Variants in COLGALT2 observed in about 807,000 individuals in gnomAD.
COLGALT2 encodes the protein procollagen galactosyltransferase 2.
A neutral mutation model predicts 73.4 loss-of-function variants in COLGALT2; 49 were observed. The ratio of observed to expected loss-of-function variants is 0.67; its 90% CI spans 0.53 to 0.85. The LOEUF (loss-of-function observed/expected upper bound fraction) is 0.85. COLGALT2 is among the 40% of genes least tolerant of loss of function. COLGALT2 has a pLI of 0.00. For synonymous variants in COLGALT2, 295 were observed against 307.6 expected (o/e 0.96, Z 0.43); for missense variants, 722 against 790.2 (o/e 0.91, Z 1.03).
At chr1:183,978,682 C>T (rs915743176) in intron 1 of COLGALT2, among the ~76,000 whole-genome samples, 162 bp from the exon 2 acceptor site, 1 of 152,104 alleles carries the variant, frequency 6.6e-6, no homozygotes, top group African/African-American at 2.4e-5. Context: ...CAATAAATTT[C>T]CAAAGTGAGA....
At chr1:184,018,633 C>T (rs1649080148) in intron 1 of COLGALT2, among the ~76,000 whole-genome samples, 1 of 152,052 alleles carries the variant, frequency 6.6e-6, no homozygotes, top group African/African-American at 2.4e-5. Flanking sequence ...TATACAAATT[C>T]TTTTTTTACC....
At chr1:184,003,259 GTC>G (rs1189803959) in intron 1 of COLGALT2, among the ~76,000 whole-genome samples, 1 of 152,192 alleles carries the variant, frequency 6.6e-6, no homozygotes, top group African/African-American at 2.4e-5. Context: ...AAGTGACACT[GTC>G]TGATTTCCAA....
At chr1:184,036,802 C>T (rs1019193104) in intron 1 of COLGALT2, among the ~76,000 whole-genome samples, 6 of 152,220 alleles carry the variant, frequency 3.9e-5, no homozygotes, top group Admixed American at 1.3e-4. Context: ...TCCCCCATGC[C>T]CCTTGTGGGA....
chr1:183,967,334 G>A (rs554916761), intron 5 of COLGALT2, among the ~76,000 whole-genome samples: 8 of 152,132 alleles, frequency 5.3e-5, no homozygotes, highest in African/African-American at 1.2e-4. Flanking sequence ...AACTAACACC[G>A]TGCCAGGAAC....
rs531441151 is a variant in COLGALT2 at position 184,015,002 on chromosome 1, C to T, written c.263+22093G>A. ...GGGTGGAGGGATTCACCCTGTGTGA[C>T]AAAATTAACACAGACATGGGGCTGG... On this transcript the variant is annotated intron_variant, in intron 1 of 11. Coordinates refer to ENST00000361927, the MANE Select transcript of COLGALT2 (RefSeq NM_015101.4). 2.6e-5 allele frequency among the ~76,000 whole-genome samples: 4 copies of T among 151,664 alleles called. No individual in the cohort carries two copies. The East Asian group carries it at 7.8e-4, about 30-fold the overall frequency.
At chr1:184,029,762 G>A (rs1177465527) in intron 1 of COLGALT2, among the ~76,000 whole-genome samples, 3 of 152,218 alleles carry the variant, frequency 2.0e-5, no homozygotes, top group Non-Finnish European at 4.4e-5. Context: ...AAGAGAGCAG[G>A]ACGGGTGTTA....
chr1:184,021,840 A>C (rs1478756639), intron 1 of COLGALT2, among the ~76,000 whole-genome samples: 1 of 152,240 alleles, frequency 6.6e-6, no homozygotes, highest in Non-Finnish European at 1.5e-5. Flanking sequence ...TGCCAAGTGC[A>C]GACAAAGCTG....
intron 6 of COLGALT2, among the ~76,000 whole-genome samples, chr1:183,960,485 T>C (rs977581495): frequency 6.6e-6 from 1 of 152,238 alleles, no homozygotes; most frequent in African/African-American, 2.4e-5. Flanking sequence ...CAAAATGCTA[T>C]ACTGTGTTGT....
At chr1:183,940,887 G>T in intron 10 of COLGALT2, 100 bp from the exon 11 acceptor site, 1 of 1,001,170 alleles carries the variant, frequency 1.0e-6, no homozygotes, top group Non-Finnish European at 1.6e-6. Flanking sequence ...CTGAAATCCT[G>T]GACTGACTCT....
intron 1 of COLGALT2, among the ~76,000 whole-genome samples, chr1:184,028,007 C>T (rs1649381841): frequency 6.6e-6 from 1 of 152,146 alleles, no homozygotes; most frequent in South Asian, 2.1e-4. Flanking sequence ...GCTTACTGTT[C>T]AATGGTGCAG....
chr1:183,939,057 C>G lies in COLGALT2; in HGVS notation c.1605-20G>C, dbSNP rs750926806. On this transcript the variant is annotated intron_variant, in intron 11 of 11. Transcript: ENST00000361927. ...TCGGCTCTGAAAACAAGAAGGTGGC[C>G]GGACACATGAGGGGGCGGAAAGGAG... 14 of 1,595,682 alleles carry G rather than the reference C, an allele frequency of 8.8e-6. No individual in the cohort carries two copies. In the Admixed American group the frequency reaches 2.3e-4, roughly 27 times the overall value.
rs1025856573 is a variant in COLGALT2 at position 183,938,705 on chromosome 1, C to G, written c.*56G>C. ...AAACTGGAGCAAACAGATGAATAGC[C>G]CTTTAGAAAAACCAGAGGATGTTGA... On this transcript the variant is annotated 3_prime_UTR_variant, in exon 12 of 12. Transcript: ENST00000361927. 39 of 1,588,630 alleles carry G rather than the reference C, an allele frequency of 2.5e-5. No homozygotes were observed. The highest frequency in any genetic ancestry group is 3.2e-5 in the Non-Finnish European group (37 of 1,166,930).
intron 10 of COLGALT2, 42 bp from the exon 11 acceptor site, chr1:183,940,829 T>C (rs1670088924): frequency 6.6e-7 from 1 of 1,520,788 alleles, no homozygotes; most frequent in Non-Finnish European, 9.1e-7. Flanking sequence ...ACCTTGACTA[T>C]TATGCCATGA....
At chr1:183,964,116 T>C (rs1670799708) in intron 5 of COLGALT2, 96 bp from the exon 6 acceptor site, 1 of 1,337,002 alleles carries the variant, frequency 7.5e-7, no homozygotes, top group African/African-American at 1.5e-5. Flanking sequence ...TGATGCTGAG[T>C]TTGACACTGC....
At chr1:183,955,829 G>A (rs1413653774) in intron 6 of COLGALT2, among the ~76,000 whole-genome samples, 2 of 152,168 alleles carry the variant, frequency 1.3e-5, no homozygotes, top group Non-Finnish European at 2.9e-5. Context: ...CTACTGTAAC[G>A]TATCTGTTCA....
intron 1 of COLGALT2, among the ~76,000 whole-genome samples, chr1:184,013,753 G>C (rs767203262): frequency 2.0e-5 from 3 of 151,924 alleles, no homozygotes; most frequent in Non-Finnish European, 4.4e-5. Flanking sequence ...TGGGAGGGGG[G>C]GTAAAACAGA....
chr1:183,964,081 G>C (rs553441271), intron 5 of COLGALT2, 61 bp from the exon 6 acceptor site: 3 of 1,583,070 alleles, frequency 1.9e-6, no homozygotes, highest in Non-Finnish European at 1.7e-6. Context: ...AGTGACAAGC[G>C]AGGAGAAGGA....
chr1:183,986,248 T>C (rs1358881714), intron 1 of COLGALT2, among the ~76,000 whole-genome samples: 1 of 152,178 alleles, frequency 6.6e-6, no homozygotes, highest in Admixed American at 6.5e-5. Flanking sequence ...GGTCTGGGGA[T>C]TCCTCCCACA....
At chr1:183,961,557 C>G (rs1415364321) in intron 6 of COLGALT2, among the ~76,000 whole-genome samples, 1 of 152,102 alleles carries the variant, frequency 6.6e-6, no homozygotes, top group African/African-American at 2.4e-5. Flanking sequence ...TTGATATAGT[C>G]TTTTATTTGC....
Sources: allele counts gnomAD v4.1 joint callset (sites outside exome capture counted in the v4.1 genomes callset), GRCh38; gene constraint gnomAD v4.1.1; transcripts MANE v1.5; gene names NCBI Gene and HGNC (gene_info 2026-07-23, HGNC 2026-07-21).